The following SLC4A10 variants were observed in gnomAD, a reference collection of about 807,000 sequenced individuals.
SLC4A10 encodes solute carrier family 4 member 10.
SLC4A10 carries 42 observed loss-of-function variants against 137.7 expected under a neutral mutation model. That is an observed-to-expected ratio of 0.30 (90% CI 0.24 to 0.39). SLC4A10 has a LOEUF of 0.39. Ranked by LOEUF, SLC4A10 falls within the 10% of genes least tolerant of loss-of-function variation. The pLI is 1.00. For missense variants in SLC4A10, 925 were observed against 1,355.0 expected (o/e 0.68, Z 4.98); for synonymous variants, 474 against 464.1 (o/e 1.02, Z -0.27).
chr2:161,771,613 A>G (rs554261267), intron 2 of SLC4A10, among the ~76,000 whole-genome samples: 36 of 152,022 alleles, frequency 2.4e-4, no homozygotes, highest in African/African-American at 8.2e-4. Context: ...TCAGCCAGTT[A>G]CTTACCTTTT....
intron 15 of SLC4A10, among the ~76,000 whole-genome samples, chr2:161,929,560 A>C (rs1689937434): frequency 6.6e-6 from 1 of 152,170 alleles, no homozygotes; most frequent in South Asian, 2.1e-4. Context: ...GTTGAGCATC[A>C]TCTATCAGGA....
intron 4 of SLC4A10, among the ~76,000 whole-genome samples, chr2:161,847,417 C>T (rs1176683556): frequency 6.6e-6 from 1 of 151,380 alleles, no homozygotes; most frequent in South Asian, 2.1e-4. Flanking sequence ...TTGTGTGTTA[C>T]AGGTTTGGTG....
intron 1 of SLC4A10, among the ~76,000 whole-genome samples, chr2:161,667,677 A>G (rs1291148520): frequency 6.6e-6 from 1 of 151,672 alleles, no homozygotes; most frequent in African/African-American, 2.4e-5. Flanking sequence ...TATATTGAAT[A>G]TATATGTACA....
In SLC4A10 at chr2:161,838,743, A is replaced by G. The variant is rs2058981353; in HGVS notation, c.278-1046A>G. On this transcript the variant is annotated intron_variant, in intron 3 of 26. Coordinates refer to ENST00000446997, the MANE Select transcript of SLC4A10 (RefSeq NM_001178015.2). ...GGAAAAATTGTCAACAATAACCATT[A>G]TAGAAATGTAAAGTAACACCACAAT... 2.0e-5 allele frequency among the ~76,000 whole-genome samples: 3 copies of G among 152,224 alleles called. No homozygotes were observed. The South Asian group carries it at 6.2e-4, about 32-fold the overall frequency.
At chr2:161,800,953 T>C (rs1377213327) in intron 2 of SLC4A10, among the ~76,000 whole-genome samples, 2 of 151,948 alleles carry the variant, frequency 1.3e-5, no homozygotes. Context: ...CACTGAGAGA[T>C]TGTAGGGGAG....
At chr2:161,957,285 A>G (rs1695830226) in intron 20 of SLC4A10, 45 bp downstream of exon 20, 3 of 1,564,978 alleles carry the variant, frequency 1.9e-6, no homozygotes, top group Non-Finnish European at 1.7e-6. Flanking sequence ...GAATACATTT[A>G]TCATCATTTA....
chr2:161,887,586 C>G (rs1290945927), intron 10 of SLC4A10, among the ~76,000 whole-genome samples: 1 of 151,874 alleles, frequency 6.6e-6, no homozygotes, highest in African/African-American at 2.4e-5. Flanking sequence ...TTTCATGTTT[C>G]TTGGCCACAT....
At chr2:161,696,560 G>A (rs1013161563) in intron 1 of SLC4A10, among the ~76,000 whole-genome samples, 1 of 146,008 alleles carries the variant, frequency 6.8e-6, no homozygotes, top group South Asian at 2.2e-4. Flanking sequence ...GCAGTGTTTG[G>A]TTTTTTGTTC....
intron 10 of SLC4A10, among the ~76,000 whole-genome samples, chr2:161,887,355 G>A (rs534752146): frequency 6.6e-6 from 1 of 152,096 alleles, no homozygotes; most frequent in Non-Finnish European, 1.5e-5. Context: ...TGGGTCAAAT[G>A]GTATTTCTGG....
chr2:161,923,509 T>C (rs1446233741), intron 15 of SLC4A10, among the ~76,000 whole-genome samples: 2 of 152,138 alleles, frequency 1.3e-5, no homozygotes, highest in African/African-American at 4.8e-5. Context: ...AATTTTATAA[T>C]AACCCCTAGA....
chr2:161,972,844 A>G (rs1229376227), intron 23 of SLC4A10, among the ~76,000 whole-genome samples: 1 of 152,210 alleles, frequency 6.6e-6, no homozygotes, highest in Non-Finnish European at 1.5e-5. Flanking sequence ...AGCATGGGAG[A>G]GTACTCCAAG....
intron 1 of SLC4A10, among the ~76,000 whole-genome samples, chr2:161,656,888 CAT>C (rs1481494839): frequency 1.3e-5 from 2 of 151,916 alleles, no homozygotes; most frequent in Non-Finnish European, 2.9e-5. Context: ...ATTTGGTTCT[CAT>C]AAAAAATTGA....
rs1265323207 is a variant in SLC4A10 at position 161,759,200 on chromosome 2, TA to T, written c.49-11771del. Among the ~76,000 whole-genome samples, 4 of 152,090 alleles carry T rather than the reference TA, an allele frequency of 2.6e-5. No individual in the cohort carries two copies. The East Asian group carries it at 7.7e-4, about 29-fold the overall frequency. The stretch of plus-strand genomic sequence containing the variant: ...GTCTTTCCCCAGCTTTATTGAAGTA[TA>T]ATTGACAAATAAAAACTGTGTATAT... On this transcript the variant is annotated intron_variant, in intron 1 of 26. Coordinates refer to ENST00000446997, the MANE Select transcript of SLC4A10 (RefSeq NM_001178015.2).
chr2:161,796,439 T>C (rs1472089718), intron 2 of SLC4A10, among the ~76,000 whole-genome samples: 1 of 152,304 alleles, frequency 6.6e-6, no homozygotes, highest in East Asian at 1.9e-4. Context: ...TGGTCTCTGA[T>C]CTGATCCAGC....
Position 161,947,692 on chromosome 2 carries a change from AAGCAGTTCAAGACT to A in SLC4A10, c.2236_2249del (p.Phe746IlefsTer12). 1 of 1,613,136 alleles carries A rather than the reference AAGCAGTTCAAGACT, an allele frequency of 6.2e-7. No homozygotes were observed. Among genetic ancestry groups the A allele is most frequent in the Non-Finnish European group, 8.5e-7 (1 of 1,179,300 alleles). On this transcript the variant is annotated frameshift_variant, in exon 17 of 27. Transcript: ENST00000446997. LOFTEE classifies it high-confidence loss of function. ...CACAGTTACTCTGTCAGCCACCCTG[AAGCAGTTCAAGACT>A]AGCAGATATTTTCCAACCAAGGTAC...
At chr2:161,657,556 T>A (rs1054247802) in intron 1 of SLC4A10, among the ~76,000 whole-genome samples, 11 of 151,984 alleles carry the variant, frequency 7.2e-5, no homozygotes, top group African/African-American at 1.4e-4. Flanking sequence ...TATTATTATT[T>A]TTTTAACAAT....
chr2:161,878,458 C>T (rs1007103258), intron 8 of SLC4A10, among the ~76,000 whole-genome samples: 1 of 152,104 alleles, frequency 6.6e-6, no homozygotes. Flanking sequence ...ATCACTTTTG[C>T]TTTGTGTACA....
intron 1 of SLC4A10, among the ~76,000 whole-genome samples, chr2:161,735,081 C>A (rs1166057482): frequency 6.6e-6 from 1 of 151,354 alleles, no homozygotes; most frequent in Non-Finnish European, 1.5e-5. Context: ...AATTAAACCT[C>A]TTTTCTTTTT....
At chr2:161,868,881 G>A (rs1455582970) in intron 6 of SLC4A10, among the ~76,000 whole-genome samples, 1 of 151,184 alleles carries the variant, frequency 6.6e-6, no homozygotes, top group Admixed American at 6.6e-5. Flanking sequence ...TCATCCTCAT[G>A]CCTCAAAATT....
Sources: allele counts gnomAD v4.1 joint callset (sites outside exome capture counted in the v4.1 genomes callset), GRCh38; gene constraint gnomAD v4.1.1; transcripts MANE v1.5; gene names NCBI Gene and HGNC (gene_info 2026-07-23, HGNC 2026-07-21).